Variants in DYSF observed in about 807,000 individuals in gnomAD.
DYSF encodes the protein dysferlin.
A neutral mutation model predicts 274.9 loss-of-function variants in DYSF; 212 were observed. That is an observed-to-expected ratio of 0.77 (90% CI 0.69 to 0.86). The LOEUF is 0.86. Ranked by LOEUF, DYSF falls within the 40% of genes least tolerant of loss-of-function variation. DYSF has a pLI of 0.00. For missense variants in DYSF, 2,666 were observed against 2,783.2 expected, an observed-to-expected ratio of 0.96 and a Z score of 0.95; for synonymous variants, 1,091 against 1,078.7, an observed-to-expected ratio of 1.01 and a Z score of -0.22.
chr2:71,460,270 C>A (rs1258488394), intron 1 of DYSF, among the ~76,000 whole-genome samples: 1 of 152,152 alleles, frequency 6.6e-6, no homozygotes, highest in African/African-American at 2.4e-5. Context: ...TATATTCCAG[C>A]CAGAGGGGAA....
intron 30 of DYSF, among the ~76,000 whole-genome samples, chr2:71,583,930 T>A (rs566348494): frequency 6.6e-6 from 1 of 152,310 alleles, no homozygotes; most frequent in Admixed American, 6.5e-5. Flanking sequence ...CTCATATTCC[T>A]ATGCTCAGGC....
chr2:71,570,572 ATGAG>A, intron 28 of DYSF, 23 bp from the exon 29 acceptor site: 1 of 1,612,204 alleles, frequency 6.2e-7, no homozygotes, highest in Non-Finnish European at 8.5e-7. Flanking sequence ...CTGCCAAGCA[ATGAG>A]TGACCGGTTC....
intron 32 of DYSF, among the ~76,000 whole-genome samples, chr2:71,597,324 G>T (rs2152854160): frequency 6.6e-6 from 1 of 152,314 alleles, no homozygotes; most frequent in South Asian, 2.1e-4. Context: ...TGAGTGCATG[G>T]TTAGGCACTG....
intron 47 of DYSF, among the ~76,000 whole-genome samples, chr2:71,666,803 C>T (rs1298230194): frequency 6.6e-6 from 1 of 152,206 alleles, no homozygotes; most frequent in African/African-American, 2.4e-5. Flanking sequence ...TCAGATTTCT[C>T]TTCTATAAAA....
At chr2:71,512,867 A>C (rs2086241039) in intron 5 of DYSF, among the ~76,000 whole-genome samples, 1 of 152,160 alleles carries the variant, frequency 6.6e-6, no homozygotes, top group Non-Finnish European at 1.5e-5. Context: ...GTCCGAGCTT[A>C]GAGATGGGAG....
At chr2:71,617,861 T>C (rs2093936366) in intron 40 of DYSF, among the ~76,000 whole-genome samples, 1 of 70,616 alleles carries the variant, frequency 1.4e-5, no homozygotes, top group Non-Finnish European at 3.2e-5. Flanking sequence ...ATGGGGTGTG[T>C]GTGTGTGGTA....
Position 71,686,525 on chromosome 2 carries a change from G to A in DYSF, c.*33G>A. Reference sequence around the variant, plus strand: ...CCTGCCCTGTAGAAGGGGCCGTGGGGTCCCCTCCAGCATGGGACTGGCCTG... The same window carrying A: ...CCTGCCCTGTAGAAGGGGCCGTGGGATCCCCTCCAGCATGGGACTGGCCTG... On this transcript the variant is annotated 3_prime_UTR_variant, in exon 56 of 56. Transcript: ENST00000410020. 2 of 1,613,506 alleles carry A rather than the reference G, an allele frequency of 1.2e-6. No individual in the cohort carries two copies. Among genetic ancestry groups the A allele is most frequent in the Non-Finnish European group, 1.7e-6 (2 of 1,179,780 alleles).
chr2:71,596,834 C>T (rs986566184), intron 32 of DYSF, among the ~76,000 whole-genome samples: 2 of 152,204 alleles, frequency 1.3e-5, no homozygotes, highest in African/African-American at 4.8e-5. Flanking sequence ...ATTAACCAGA[C>T]CCAGCATTGC....
chr2:71,596,460 G>A (rs1028217547), intron 32 of DYSF, among the ~76,000 whole-genome samples: 3 of 152,284 alleles, frequency 2.0e-5, no homozygotes, highest in Non-Finnish European at 2.9e-5. Context: ...TTTATTTATC[G>A]GAATGCGCCC....
chr2:71,596,309 C>T (rs2093407919), intron 32 of DYSF, among the ~76,000 whole-genome samples: 7 of 152,200 alleles, frequency 4.6e-5, no homozygotes, highest in Admixed American at 3.3e-4. Context: ...ATACAGCGTG[C>T]ACAGCCGCTA....
Position 71,660,603 on chromosome 2 carries a change from G to A in DYSF, c.4955G>A (p.Ser1652Asn). The A allele has an allele frequency of 6.2e-7, 1 of 1,614,180 alleles. No individual in the cohort carries two copies. The highest frequency in any genetic ancestry group is 2.2e-5 in the East Asian group (1 of 44,884). ...ATCTCCATAGGGAAGAAATCAGTGA[G>A]TGACCAGGATAACTACATCCCCTGC... is the stretch of plus-strand genomic sequence containing the variant. ...IKISIGKKSV[S>N]DQDNYIPCTL... is the part of the protein sequence containing the mutation. Residue 1652 changes from serine (S) to asparagine (N), a missense_variant, in exon 45 of 56, where the codon AGT (serine) becomes AAT (asparagine). Ser to Asn is a conservative substitution (Grantham distance 46). This residue lies in a region of DYSF where 1,460 missense variants were observed against 1,502.1 expected (regional missense o/e 0.97). Coordinates refer to ENST00000410020, the MANE Select transcript of DYSF (RefSeq NM_001130987.2).
chr2:71,686,312 A>G (rs2095356010), intron 55 of DYSF, 142 bp from the exon 56 acceptor site: 2 of 1,022,452 alleles, frequency 2.0e-6, no homozygotes, highest in Non-Finnish European at 3.1e-6. Context: ...CAGGTGGTTG[A>G]AGAGCCACGA....
At chr2:71,675,828 A>G (rs1023407686) in intron 52 of DYSF, among the ~76,000 whole-genome samples, 35 of 152,212 alleles carry the variant, frequency 2.3e-4, no homozygotes, top group African/African-American at 7.5e-4. Flanking sequence ...AAACATAAGT[A>G]TTTTATATAT....
chr2:71,516,363 C>A, intron 9 of DYSF, 121 bp downstream of exon 9: 2 of 956,886 alleles, frequency 2.1e-6, no homozygotes, highest in Non-Finnish European at 3.3e-6. Context: ...TGCGTGAATG[C>A]GTGTGTGTGC....
chr2:71,559,501 C>T (rs1259274967), intron 22 of DYSF, among the ~76,000 whole-genome samples: 2 of 152,228 alleles, frequency 1.3e-5, no homozygotes, highest in Non-Finnish European at 2.9e-5. Flanking sequence ...GGAAAAGCCC[C>T]TGCTCTCATC....
chr2:71,596,350 C>T (rs1224413261), intron 32 of DYSF, among the ~76,000 whole-genome samples: 3 of 152,138 alleles, frequency 2.0e-5, no homozygotes, highest in Admixed American at 2.0e-4. Context: ...TGTGTAAACG[C>T]GGTCGGTCTG....
intron 41 of DYSF, among the ~76,000 whole-genome samples, chr2:71,636,447 G>A (rs2094404090): frequency 6.6e-6 from 1 of 152,178 alleles, no homozygotes; most frequent in Admixed American, 6.5e-5. Context: ...GTGACTGATG[G>A]ATTAAGTGCA....
chr2:71,649,532 C>G (rs2094620935), intron 42 of DYSF, among the ~76,000 whole-genome samples: 1 of 152,058 alleles, frequency 6.6e-6, no homozygotes, highest in African/African-American at 2.4e-5. Context: ...CCCATAAATA[C>G]TATGCCTAAA....
At chr2:71,536,671 T>A (rs1363717104) in intron 16 of DYSF, among the ~76,000 whole-genome samples, 1 of 152,218 alleles carries the variant, frequency 6.6e-6, no homozygotes, top group Non-Finnish European at 1.5e-5. Context: ...CCAAACACAT[T>A]ACAGAATCTG....
Sources: allele counts gnomAD v4.1 joint callset (sites outside exome capture counted in the v4.1 genomes callset), GRCh38; gene constraint gnomAD v4.1.1; regional missense constraint gnomAD v4.1.1; transcripts MANE v1.5; gene names NCBI Gene and HGNC (gene_info 2026-07-23, HGNC 2026-07-21).